Variants in VMP1 observed in about 807,000 individuals in gnomAD.
VMP1 encodes ectopic P-granules autophagy protein 3 homolog.
In VMP1, 11 loss-of-function variants were observed where a neutral mutation model predicts 56.0. That is an observed-to-expected ratio of 0.20 (90% confidence interval 0.12 to 0.32). The LOEUF (loss-of-function observed/expected upper bound fraction) is 0.32, where lower values mean the gene tolerates loss of function less well. Ranked by LOEUF, VMP1 falls within the 10% of genes least tolerant of loss-of-function variation. The pLI, the probability that VMP1 is intolerant of heterozygous loss-of-function variation, is 1.00. For missense variants in VMP1, 296 were observed against 490.3 expected, an observed-to-expected ratio of 0.60 and a Z score of 3.74; for synonymous variants, 149 against 165.0, an observed-to-expected ratio of 0.90 and a Z score of 0.74.
intron 7 of VMP1, among the ~76,000 whole-genome samples, chr17:59,807,220 G>A (rs868577862): frequency 4.7e-4 from 67 of 141,880 alleles, no homozygotes; most frequent in African/African-American, 1.1e-3. Flanking sequence ...TTTTTGAGAC[G>A]GAGTCTCGCT....
intron 10 of VMP1, among the ~76,000 whole-genome samples, chr17:59,829,207 T>G (rs1303000037): frequency 1.6e-5 from 2 of 122,862 alleles, no homozygotes; most frequent in Admixed American, 8.2e-5. Flanking sequence ...TCACACAGGA[T>G]AACTAGATCC....
At chr17:59,774,230 T>C (rs1260136748) in intron 7 of VMP1, among the ~76,000 whole-genome samples, 2 of 152,126 alleles carry the variant, frequency 1.3e-5, no homozygotes, top group Non-Finnish European at 2.9e-5. Context: ...GAGTCCAAAA[T>C]AATAGAACTT....
chr17:59,773,921 C>A, intron 7 of VMP1, 36 bp downstream of exon 7: 1 of 1,537,246 alleles, frequency 6.5e-7, no homozygotes, highest in South Asian at 1.2e-5. Flanking sequence ...GAACACTTTA[C>A]TTCTTCCTAA....
intron 7 of VMP1, among the ~76,000 whole-genome samples, chr17:59,789,027 A>ATGCCTGTAATCCTAGCGCTC (rs2037116252): frequency 6.6e-6 from 1 of 150,904 alleles, no homozygotes; most frequent in East Asian, 2.0e-4. Context: ...GCCATGGCTC[A>ATGCCTGTAATCCTAGCGCTC]TGCCTGTAAT....
intron 1 of VMP1, among the ~76,000 whole-genome samples, chr17:59,715,453 A>G (rs1568010027): frequency 6.6e-6 from 1 of 152,188 alleles, no homozygotes; most frequent in Non-Finnish European, 1.5e-5. Flanking sequence ...AGATCTCGTG[A>G]GAACTCACTC....
At chr17:59,764,584 A>G (rs1362589594) in intron 5 of VMP1, among the ~76,000 whole-genome samples, 1 of 152,184 alleles carries the variant, frequency 6.6e-6, no homozygotes, top group Non-Finnish European at 1.5e-5. Flanking sequence ...TCAGCCGCCC[A>G]AAGTGGTGGG....
At chr17:59,814,283 T>C (rs1406149340) in intron 9 of VMP1, among the ~76,000 whole-genome samples, 1 of 152,108 alleles carries the variant, frequency 6.6e-6, no homozygotes, top group African/African-American at 2.4e-5. Flanking sequence ...GGCCGATGAG[T>C]GATTTTTTTA....
intron 7 of VMP1, among the ~76,000 whole-genome samples, chr17:59,799,701 G>A (rs1161945501): frequency 3.3e-5 from 5 of 152,068 alleles, no homozygotes; most frequent in Admixed American, 2.0e-4. Context: ...AGTGGCTCAC[G>A]CCTGAAATCC....
chr17:59,718,053 C>T (rs2034236357), intron 1 of VMP1, among the ~76,000 whole-genome samples: 1 of 152,070 alleles, frequency 6.6e-6, no homozygotes, highest in Non-Finnish European at 1.5e-5. Context: ...CAGAAATACC[C>T]TCTTTACCTG....
chr17:59,728,183 G>A (rs1408636444), intron 1 of VMP1, among the ~76,000 whole-genome samples: 2 of 152,074 alleles, frequency 1.3e-5, no homozygotes, highest in East Asian at 3.9e-4. Context: ...TCCTTTATGA[G>A]GCATAAATTT....
At chr17:59,756,231 G>A (rs950578) in intron 5 of VMP1, among the ~76,000 whole-genome samples, 1 of 152,144 alleles carries the variant, frequency 6.6e-6, no homozygotes, top group African/African-American at 2.4e-5. Flanking sequence ...AAATTCTGAA[G>A]AGAATTCCTG....
intron 7 of VMP1, among the ~76,000 whole-genome samples, chr17:59,799,253 T>C (rs1299217042): frequency 6.6e-6 from 1 of 152,188 alleles, no homozygotes; most frequent in Non-Finnish European, 1.5e-5. Flanking sequence ...CAGAATAAAA[T>C]ATCCTTGCTT....
At chr17:59,790,350 C>G (rs1437881937) in intron 7 of VMP1, among the ~76,000 whole-genome samples, 1 of 151,998 alleles carries the variant, frequency 6.6e-6, no homozygotes, top group African/African-American at 2.4e-5. Flanking sequence ...TTTTTTTGCC[C>G]CATTCCCTGA....
intron 1 of VMP1, among the ~76,000 whole-genome samples, chr17:59,718,675 TTTTGTTTG>T (rs1306804052): frequency 5.3e-5 from 8 of 151,796 alleles, no homozygotes; most frequent in Non-Finnish European, 1.2e-4. Flanking sequence ...GGCTAATTGT[TTTTGTTTG>T]TTTGTTTGTT....
chr17:59,810,747 G>C (rs1325922141), intron 8 of VMP1, among the ~76,000 whole-genome samples: 1 of 152,128 alleles, frequency 6.6e-6, no homozygotes, highest in African/African-American at 2.4e-5. Context: ...GATCATATGT[G>C]ACAAGTATTT....
chr17:59,751,464 G>A (rs1297613383), intron 5 of VMP1, among the ~76,000 whole-genome samples: 1 of 151,950 alleles, frequency 6.6e-6, no homozygotes, highest in Non-Finnish European at 1.5e-5. Flanking sequence ...GGTCTAGACC[G>A]GGCTCGGTGG....
Position 59,841,371 on chromosome 17 carries a change from A to G in VMP1, c.*1460A>G, listed in dbSNP as rs1004420391. The G allele has an allele frequency of 2.0e-6, 1 of 492,826 alleles. No individual in the cohort carries two copies. 30.5% of individuals were successfully genotyped at this position (492,826 alleles called of 1,614,324 possible). ...TCTTTCATCTGACCATCCATATCCA[A>G]TGTTCTCATTTAAACATTACCCAGC... On this transcript the variant is annotated 3_prime_UTR_variant, in exon 12 of 12. Transcript: ENST00000262291.
chr17:59,784,100 A>AAT (rs2036919497), intron 7 of VMP1, among the ~76,000 whole-genome samples: 2 of 139,108 alleles, frequency 1.4e-5, no homozygotes, highest in African/African-American at 5.5e-5. Flanking sequence ...CATCAAAAAG[A>AAT]GTGTGTGTGT....
intron 9 of VMP1, among the ~76,000 whole-genome samples, chr17:59,816,053 A>C (rs953946397): frequency 6.6e-6 from 1 of 152,136 alleles, no homozygotes; most frequent in Non-Finnish European, 1.5e-5. Flanking sequence ...TTTATTTTGT[A>C]GAATTCCCAC....
Sources: gnomAD v4.1 joint callset for allele counts (sites outside exome capture counted in the v4.1 genomes callset) on GRCh38, gnomAD v4.1.1 for gene constraint, MANE v1.5 for transcripts, NCBI Gene and HGNC (gene_info 2026-07-23, HGNC 2026-07-21) for gene names.